The following LYST variants were observed in gnomAD, a reference collection of about 807,000 sequenced individuals.
LYST encodes lysosomal trafficking regulator.
LYST carries 192 observed loss-of-function variants against 413.6 expected under a neutral mutation model. The observed-to-expected ratio is 0.46, with a 90% CI of 0.41 to 0.52. LYST has a LOEUF of 0.52. Among genes scored for constraint, LYST ranks in the 20% least tolerant of loss-of-function variants. The pLI is 0.00. For synonymous variants in LYST, 1,525 were observed against 1,567.3 expected (o/e 0.97, Z 0.64); for missense variants, 3,815 against 4,499.9 (o/e 0.85, Z 4.35).
At chr1:235,828,246 T>C in intron 3 of LYST, 1 of 728,676 alleles carries the variant, frequency 1.4e-6, no homozygotes, top group South Asian at 6.2e-5. Flanking sequence ...GAAAGTAGAT[T>C]AGTGTTTGCT....
intron 6 of LYST, 62 bp from the exon 7 acceptor site, chr1:235,804,727 A>G (rs1672626545): frequency 1.0e-6 from 1 of 968,158 alleles, no homozygotes; most frequent in Admixed American, 1.9e-5. Context: ...AAATGATGAA[A>G]AAATAAATAA....
chr1:235,810,237 G>A lies in LYST; in HGVS notation c.581C>T (p.Ser194Leu), dbSNP rs997647491. ...RPHLLHHFLT[S>L]FPKQDHPKAK... ...TTTGGGGTGGTCTTGTTTAGGAAACGATGTTAAAAAATGATGCAGCAGATG... is the reference window on the plus strand; with the variant it reads ...TTTGGGGTGGTCTTGTTTAGGAAACAATGTTAAAAAATGATGCAGCAGATG... Residue 194 changes from serine to leucine, a missense_variant, in exon 5 of 53, where the codon TCG (serine) becomes TTG (leucine). Physicochemically the swap from Ser to Leu is moderately radical, Grantham distance 145. Coordinates refer to ENST00000389793, the MANE Select transcript of LYST (RefSeq NM_000081.4). 1.1e-5 allele frequency: 18 copies of A among 1,613,970 alleles called. No homozygotes were observed. The highest frequency in any genetic ancestry group is 6.7e-5 in the Admixed American group (4 of 59,996).
At chr1:235,688,899 C>T (rs955504028) in intron 47 of LYST, among the ~76,000 whole-genome samples, 2 of 151,546 alleles carry the variant, frequency 1.3e-5, no homozygotes, top group Admixed American at 6.6e-5. Flanking sequence ...GCAGGAGAAT[C>T]GCTTGAACCC....
chr1:235,759,301 C>T lies in LYST; in HGVS notation c.6552G>A (p.Gln2184=), dbSNP rs775164870. 2.9e-5 allele frequency: 47 copies of T among 1,614,050 alleles called. No individual in the cohort carries two copies. The East Asian group carries it at 9.8e-4, about 34-fold the overall frequency. Residue 2184 remains glutamine (Q), a synonymous_variant, in exon 23 of 53, where the codon CAG becomes CAA. Transcript: ENST00000389793. ...CCTTTGGGACATCACTGACAGAGAC[C>T]TGGGCTGAGAGGACAGCTTCCATTT... ...VCEMEAVLSA[Q]VSVSDVPKGV...
chr1:235,715,665 A>G (rs1392451634), intron 41 of LYST, among the ~76,000 whole-genome samples: 1 of 152,108 alleles, frequency 6.6e-6, no homozygotes, highest in Non-Finnish European at 1.5e-5. Context: ...CATAATGTCT[A>G]AGCTGATCAA....
chr1:235,827,591 TC>T, intron 3 of LYST: 1 of 982,840 alleles, frequency 1.0e-6, no homozygotes, highest in East Asian at 1.1e-4. Flanking sequence ...AAACATTCAT[TC>T]TCCATTTCCT....
intron 34 of LYST, among the ~76,000 whole-genome samples, chr1:235,732,654 A>G (rs1403807131): frequency 6.6e-6 from 1 of 152,226 alleles, no homozygotes; most frequent in Non-Finnish European, 1.5e-5. Context: ...GTTAACATAA[A>G]AAGTAAAATG....
intron 1 of LYST, among the ~76,000 whole-genome samples, chr1:235,856,402 G>A (rs766888040): frequency 7.2e-5 from 11 of 152,090 alleles, no homozygotes; most frequent in Non-Finnish European, 1.6e-4. Flanking sequence ...TAGGATCTCA[G>A]GCAAGGTGCT....
At chr1:235,680,877 G>A (rs1410184072) in intron 48 of LYST, among the ~76,000 whole-genome samples, 1 of 152,214 alleles carries the variant, frequency 6.6e-6, no homozygotes, top group African/African-American at 2.4e-5. Context: ...GGGATTACAG[G>A]CGTGAGCCAC....
At chr1:235,756,051 ATATCTATATCTG>A (rs1334062070) in intron 24 of LYST, among the ~76,000 whole-genome samples, 69 of 117,256 alleles carry the variant, frequency 5.9e-4, no homozygotes, top group African/African-American at 2.3e-3. Flanking sequence ...ATCTATATCT[ATATCTATATCTG>A]TATCTATATC....
At chr1:235,815,739 G>A (rs1673980919) in intron 3 of LYST, among the ~76,000 whole-genome samples, 1 of 152,148 alleles carries the variant, frequency 6.6e-6, no homozygotes, top group African/African-American at 2.4e-5. Flanking sequence ...GAAGGTGAAA[G>A]ATTTCTACAA....
At chr1:235,699,055 G>T (rs6685059) in intron 45 of LYST, among the ~76,000 whole-genome samples, 6,668 of 152,056 alleles carry the variant, frequency 0.044, 506 homozygotes, top group African/African-American at 0.15. Context: ...AAAGATACAA[G>T]GGCAACTGTT....
At chr1:235,743,221 C>T (rs958302141) in intron 30 of LYST, among the ~76,000 whole-genome samples, 1 of 152,124 alleles carries the variant, frequency 6.6e-6, no homozygotes, top group African/African-American at 2.4e-5. Flanking sequence ...GATCAAATCA[C>T]CTGTATCTGG....
intron 1 of LYST, among the ~76,000 whole-genome samples, chr1:235,840,866 T>A (rs1170182793): frequency 1.3e-5 from 2 of 152,226 alleles, no homozygotes; most frequent in Non-Finnish European, 2.9e-5. Flanking sequence ...TATCCAAGAA[T>A]TAAAATGAGC....
chr1:235,708,490 C>G (rs974603470), intron 44 of LYST, among the ~76,000 whole-genome samples: 4 of 152,166 alleles, frequency 2.6e-5, no homozygotes, highest in African/African-American at 9.7e-5. Context: ...CTACCATTCC[C>G]TAACTGATAA....
At chr1:235,756,630 T>C (rs770196370) in intron 24 of LYST, among the ~76,000 whole-genome samples, 1 of 152,158 alleles carries the variant, frequency 6.6e-6, no homozygotes, top group Non-Finnish European at 1.5e-5. Flanking sequence ...TGTTTTCTAA[T>C]GGAAACTATT....
At chr1:235,788,641 C>T in intron 13 of LYST, 60 bp downstream of exon 13, 2 of 1,510,578 alleles carry the variant, frequency 1.3e-6, no homozygotes, top group East Asian at 2.3e-5. Context: ...ACATTAATGT[C>T]TCTTACACAA....
intron 1 of LYST, among the ~76,000 whole-genome samples, chr1:235,845,469 G>A (rs764661435): frequency 2.6e-5 from 4 of 152,162 alleles, no homozygotes; most frequent in East Asian, 1.9e-4. Context: ...CAATTTGAAC[G>A]CGGTGAGAAG....
chr1:235,687,073 T>C (rs541300604), intron 47 of LYST, 26 bp from the exon 48 acceptor site: 2 of 1,428,076 alleles, frequency 1.4e-6, no homozygotes, highest in South Asian at 2.3e-5. Context: ...AATCAAAGAT[T>C]ATCATGTTTT....
Sources: gnomAD v4.1 joint callset for allele counts (sites outside exome capture counted in the v4.1 genomes callset) on GRCh38, gnomAD v4.1.1 for gene constraint, MANE v1.5 for transcripts, NCBI Gene and HGNC (gene_info 2026-07-23, HGNC 2026-07-21) for gene names.